ANTXR2: variants seen among roughly 807,000 people sequenced by gnomAD.
ANTXR2 encodes ANTXR cell adhesion molecule 2, also known as anthrax toxin receptor 2.
Under a neutral mutation model 73.7 loss-of-function variants are expected in ANTXR2, and 44 were observed. That is an observed-to-expected ratio of 0.60 (90% CI 0.47 to 0.77). The LOEUF is 0.77. Ranked by LOEUF, ANTXR2 falls within the 30% of genes least tolerant of loss-of-function variation. ANTXR2 has a pLI of 0.00. For synonymous variants in ANTXR2, 217 were observed against 205.9 expected (o/e 1.05, Z -0.46); for missense variants, 604 against 592.5 (o/e 1.02, Z -0.20).
At chr4:80,062,140 T>C (rs1734290785) in intron 3 of ANTXR2, among the ~76,000 whole-genome samples, 1 of 152,168 alleles carries the variant, frequency 6.6e-6, no homozygotes, top group East Asian at 1.9e-4. Context: ...AATGCCAACA[T>C]AGGCCAAGGC....
intron 12 of ANTXR2, among the ~76,000 whole-genome samples, chr4:79,998,932 A>T (rs1255308737): frequency 2.6e-5 from 4 of 152,040 alleles, no homozygotes; most frequent in African/African-American, 9.7e-5. Flanking sequence ...TCCAAATATC[A>T]TTGGTTTAGA....
chr4:80,068,594 C>A (rs1482002992), intron 3 of ANTXR2, among the ~76,000 whole-genome samples: 2 of 151,790 alleles, frequency 1.3e-5, no homozygotes, highest in South Asian at 2.1e-4. Context: ...TACAGTGAAA[C>A]CCCCGTCTCT....
intron 16 of ANTXR2, among the ~76,000 whole-genome samples, chr4:79,909,159 A>T (rs186774611): frequency 6.6e-6 from 1 of 152,306 alleles, no homozygotes; most frequent in Admixed American, 6.5e-5. Flanking sequence ...ATGAGGAATG[A>T]TATTATGACA....
intron 16 of ANTXR2, among the ~76,000 whole-genome samples, chr4:79,966,756 T>A (rs1729381221): frequency 1.3e-5 from 2 of 152,198 alleles, no homozygotes; most frequent in Admixed American, 6.5e-5. Flanking sequence ...TAATACTATT[T>A]TTATGTTTAC....
intron 16 of ANTXR2, among the ~76,000 whole-genome samples, chr4:79,959,356 C>T (rs11098957): frequency 0.75 from 114,469 of 151,966 alleles, 43,395 homozygotes; most frequent in East Asian, 0.96. Flanking sequence ...AGTAAAATAA[C>T]AAGTAAAGAT....
intron 16 of ANTXR2, among the ~76,000 whole-genome samples, chr4:79,935,091 A>T (rs1214812751): frequency 6.9e-6 from 1 of 144,842 alleles, no homozygotes; most frequent in East Asian, 2.0e-4. Context: ...CTTAAAGTAT[A>T]AAAAAAAAAA....
chr4:80,022,943 T>G (rs1259718710), intron 10 of ANTXR2, among the ~76,000 whole-genome samples: 1 of 152,122 alleles, frequency 6.6e-6, no homozygotes. Context: ...CTTGGTAAAA[T>G]AATATACATA....
In ANTXR2 at chr4:79,904,198, C is replaced by T. The variant is rs1374096434; in HGVS notation, c.*3231G>A. On this transcript the variant is annotated 3_prime_UTR_variant, in exon 17 of 17. Coordinates refer to ENST00000403729, the MANE Select transcript of ANTXR2 (RefSeq NM_058172.6). ...TAATAAAGTTAACTTCACAGAAACA[C>T]CCAAATCTTGTATCTAGTAAGGATT... The T allele has an allele frequency of 6.6e-6, 1 of 151,832 alleles. No individual in the cohort carries two copies. The highest frequency in any genetic ancestry group is 1.5e-5 in the Non-Finnish European group (1 of 67,934). 9.4% of individuals were successfully genotyped at this position (151,832 alleles called of 1,614,324 possible).
At chr4:79,975,889 C>T (rs1339712870) in intron 16 of ANTXR2, among the ~76,000 whole-genome samples, 1 of 150,400 alleles carries the variant, frequency 6.6e-6, no homozygotes, top group African/African-American at 2.4e-5. Context: ...GGGAAAATTC[C>T]AGGAATAAAT....
intron 16 of ANTXR2, among the ~76,000 whole-genome samples, chr4:79,937,270 T>C (rs1728303162): frequency 6.6e-6 from 1 of 152,200 alleles, no homozygotes; most frequent in East Asian, 1.9e-4. Flanking sequence ...ACTAAGTTCC[T>C]TGAAAATTAA....
chr4:79,901,989 G>A lies in ANTXR2; in HGVS notation c.*5440C>T, dbSNP rs778870337. The A allele has an allele frequency of 1.3e-5, 2 of 152,058 alleles. No homozygotes were observed. Among genetic ancestry groups the A allele is most frequent in the Non-Finnish European group, 2.9e-5 (2 of 68,024 alleles). The allele number at this position is 152,058 out of a possible 1,614,324, so 9.4% of individuals were successfully genotyped here. A position where few individuals can be genotyped will look rare whatever the true frequency, so the allele number is the denominator to read the frequency against. On this transcript the variant is annotated 3_prime_UTR_variant, in exon 17 of 17. Coordinates refer to ENST00000403729, the MANE Select transcript of ANTXR2 (RefSeq NM_058172.6). ...TGCTGTGTGGCCTGGTTTCTAACAG[G>A]CCATGGACCAGTACCAGTCCATGAC...
At chr4:80,046,745 T>TA (rs1264811471) in intron 7 of ANTXR2, among the ~76,000 whole-genome samples, 1 of 151,798 alleles carries the variant, frequency 6.6e-6, no homozygotes, top group Non-Finnish European at 1.5e-5. Flanking sequence ...ATACACATCC[T>TA]AAAAATTGTA....
At chr4:80,007,042 T>TTAGTTCAGCAAAGAGACAGGATGCGTC (rs1258645733) in intron 12 of ANTXR2, among the ~76,000 whole-genome samples, 111 of 152,174 alleles carry the variant, frequency 7.3e-4, no homozygotes, top group Non-Finnish European at 1.2e-3. Flanking sequence ...AGGAAACTGA[T>TTAGTTCAGCAAAGAGACAGGATGCGTC]TAGTTCAGCA....
chr4:79,972,920 T>TAAAAAAAAAAAAAAAAAAGAAAAAAAA (rs1729473432), intron 16 of ANTXR2, among the ~76,000 whole-genome samples: 1 of 53,176 alleles, frequency 1.9e-5, no homozygotes, highest in Non-Finnish European at 3.4e-5. Flanking sequence ...TAGAGTATAA[T>TAAAAAAAAAAAAAAAAAAGAAAAAAAA]AAAAAAAAAA....
At chr4:79,959,054 G>C (rs1223832102) in intron 16 of ANTXR2, among the ~76,000 whole-genome samples, 2 of 151,722 alleles carry the variant, frequency 1.3e-5, no homozygotes, top group Admixed American at 6.6e-5. Context: ...TGAAAAAAAT[G>C]CAACTGCAAG....
At chr4:79,955,256 C>CTG (rs1329321712) in intron 16 of ANTXR2, among the ~76,000 whole-genome samples, 1 of 152,110 alleles carries the variant, frequency 6.6e-6, no homozygotes, top group Non-Finnish European at 1.5e-5. Context: ...TTCCCTTACT[C>CTG]TCTTTCATAT....
chr4:79,972,997 TA>T (rs1257487615), intron 16 of ANTXR2, among the ~76,000 whole-genome samples: 47 of 145,676 alleles, frequency 3.2e-4, no homozygotes, highest in African/African-American at 6.5e-4. Flanking sequence ...AATTAACATA[TA>T]AAAATGTATA....
intron 7 of ANTXR2, among the ~76,000 whole-genome samples, chr4:80,050,932 G>C (rs1038671545): frequency 1.3e-5 from 2 of 151,618 alleles, no homozygotes; most frequent in Non-Finnish European, 2.9e-5. Flanking sequence ...AAACAAGTAT[G>C]TGAAAGTCTC....
At chr4:80,018,877 T>A (rs764583242) in intron 11 of ANTXR2, 21 bp downstream of exon 11, 4 of 1,483,532 alleles carry the variant, frequency 2.7e-6, no homozygotes, top group Non-Finnish European at 3.6e-6. Flanking sequence ...AAAGATAATC[T>A]TTGTGCAAAC....
Sources: allele counts gnomAD v4.1 joint callset (sites outside exome capture counted in the v4.1 genomes callset), GRCh38; gene constraint gnomAD v4.1.1; transcripts MANE v1.5; gene names NCBI Gene and HGNC (gene_info 2026-07-23, HGNC 2026-07-21).